Variants in RALGAPA2 observed in about 807,000 individuals in gnomAD.
RALGAPA2 encodes ral GTPase-activating protein subunit alpha-2.
A neutral mutation model predicts 230.4 loss-of-function variants in RALGAPA2; 139 were observed. The ratio of observed to expected loss-of-function variants is 0.60; its 90% CI spans 0.53 to 0.69. The LOEUF (loss-of-function observed/expected upper bound fraction) is 0.69. RALGAPA2 is among the 30% of genes least tolerant of loss of function. The pLI, the probability that RALGAPA2 is intolerant of heterozygous loss-of-function variation, is 0.00. For missense variants in RALGAPA2, 2,163 were observed against 2,276.0 expected (o/e 0.95, Z 1.01); for synonymous variants, 847 against 837.8 (o/e 1.01, Z -0.19).
chr20:20,602,219 A>G (rs2065675959), intron 15 of RALGAPA2, among the ~76,000 whole-genome samples: 1 of 152,226 alleles, frequency 6.6e-6, no homozygotes, highest in South Asian at 2.1e-4. Flanking sequence ...CCAAAAACTC[A>G]GAGATCCTGA....
intron 10 of RALGAPA2, 33 bp downstream of exon 10, chr20:20,629,320 AACACACACAC>A (rs11467035): frequency 0.16 from 179,948 of 1,106,808 alleles, 6,723 homozygotes; most frequent in Admixed American, 0.21. Context: ...AAGAACTTGT[AACACACACAC>A]ACACACACAC....
At chr20:20,612,137 T>C (rs2065994372) in intron 13 of RALGAPA2, among the ~76,000 whole-genome samples, 1 of 152,238 alleles carries the variant, frequency 6.6e-6, no homozygotes, top group Non-Finnish European at 1.5e-5. Flanking sequence ...ACACTGCTAA[T>C]TACAATAATA....
chr20:20,500,898 C>T (rs979399285), intron 35 of RALGAPA2, among the ~76,000 whole-genome samples: 3 of 152,246 alleles, frequency 2.0e-5, no homozygotes, highest in Non-Finnish European at 2.9e-5. Context: ...AACAACACTA[C>T]ATCTCCTTCA....
At chr20:20,543,739 G>A (rs975082195) in intron 24 of RALGAPA2, among the ~76,000 whole-genome samples, 1 of 152,136 alleles carries the variant, frequency 6.6e-6, no homozygotes, top group Non-Finnish European at 1.5e-5. Flanking sequence ...GTGGGGCGGG[G>A]GGAGCGGGGA....
intron 4 of RALGAPA2, among the ~76,000 whole-genome samples, chr20:20,646,155 A>G (rs547233302): frequency 4.6e-5 from 7 of 152,096 alleles, no homozygotes; most frequent in Admixed American, 1.3e-4. Flanking sequence ...CTAGGGCTCA[A>G]GTGATTCTTG....
In RALGAPA2 at chr20:20,605,160, G is replaced by T. The variant is rs1453568492; in HGVS notation, c.2038+15C>A. 6.4e-7 allele frequency: 1 copy of T among 1,571,240 alleles called. No homozygotes were observed. The highest frequency in any genetic ancestry group is 8.7e-7 in the Non-Finnish European group (1 of 1,147,940). On this transcript the variant is annotated intron_variant, in intron 15 of 39. Coordinates refer to ENST00000202677, the MANE Select transcript of RALGAPA2 (RefSeq NM_020343.4). The stretch of plus-strand genomic sequence containing the variant: ...GTCCTAGACATCTGGTGTTAACCTG[G>T]AAGAGTGGAAATACCTTTGCCTCGT...
Position 20,503,510 on chromosome 20 carries a change from A to G in RALGAPA2, c.5053-4T>C, listed in dbSNP as rs1449773595. 1.3e-6 allele frequency: 2 copies of G among 1,544,524 alleles called. No homozygotes were observed. The highest frequency in any genetic ancestry group is 8.7e-7 in the Non-Finnish European group (1 of 1,145,744). On this transcript the variant is annotated splice_polypyrimidine_tract_variant and splice_region_variant and intron_variant, in intron 34 of 39. Coordinates refer to ENST00000202677, the MANE Select transcript of RALGAPA2 (RefSeq NM_020343.4). ...CACAGTGGGTGGAGAGATCCACCTG[A>G]CAAAGGTCACAAAGAAGAAAGAGTG...
At chr20:20,426,942 T>C (rs1377608839) in intron 37 of RALGAPA2, among the ~76,000 whole-genome samples, 4 of 152,242 alleles carry the variant, frequency 2.6e-5, no homozygotes, top group African/African-American at 9.6e-5. Flanking sequence ...ACAACTTCCT[T>C]CTGTGGTTTG....
At chr20:20,422,963 C>T (rs2060308493) in intron 37 of RALGAPA2, among the ~76,000 whole-genome samples, 1 of 152,140 alleles carries the variant, frequency 6.6e-6, no homozygotes, top group Admixed American at 6.6e-5. Flanking sequence ...GCAACACCAG[C>T]CTGTGGCAAC....
chr20:20,699,689 A>G (rs577951990), intron 1 of RALGAPA2, among the ~76,000 whole-genome samples: 2 of 152,354 alleles, frequency 1.3e-5, no homozygotes, highest in Non-Finnish European at 2.9e-5. Context: ...ACAAGCGGCC[A>G]ACAAACATAT....
chr20:20,594,668 C>G (rs2065393424), intron 16 of RALGAPA2, among the ~76,000 whole-genome samples: 1 of 151,926 alleles, frequency 6.6e-6, no homozygotes, highest in Admixed American at 6.6e-5. Context: ...TTTAAAAGCA[C>G]TAACTTTCTC....
intron 37 of RALGAPA2, among the ~76,000 whole-genome samples, chr20:20,469,156 G>A (rs1325289167): frequency 2.6e-5 from 4 of 152,162 alleles, no homozygotes; most frequent in African/African-American, 9.7e-5. Context: ...CAGGGGCACT[G>A]TAAATGTTGA....
chr20:20,681,479 C>T (rs917648022), intron 1 of RALGAPA2, among the ~76,000 whole-genome samples: 1 of 152,162 alleles, frequency 6.6e-6, no homozygotes, highest in Admixed American at 6.5e-5. Flanking sequence ...ACAGTGACAA[C>T]TCCCACTGGG....
intron 1 of RALGAPA2, among the ~76,000 whole-genome samples, chr20:20,694,466 A>G (rs6137104): frequency 0.016 from 2,467 of 152,304 alleles, 93 homozygotes; most frequent in East Asian, 0.14. Context: ...GCTTGTGAGC[A>G]GCCTCCAATA....
intron 4 of RALGAPA2, among the ~76,000 whole-genome samples, chr20:20,644,886 C>A (rs1267612461): frequency 6.6e-6 from 1 of 152,182 alleles, no homozygotes; most frequent in Non-Finnish European, 1.5e-5. Context: ...TACTTCATTA[C>A]ACCTTATGGT....
chr20:20,696,434 C>A (rs1291721727), intron 1 of RALGAPA2, among the ~76,000 whole-genome samples: 1 of 152,048 alleles, frequency 6.6e-6, no homozygotes, highest in Non-Finnish European at 1.5e-5. Context: ...AGTGTAGTCT[C>A]TATGAGGGAA....
rs1401616535 is a variant in RALGAPA2, at chr20:20,607,113, ATTC to A, written c.1801-1704_1801-1702del. Among the ~76,000 whole-genome samples the A allele has an allele frequency of 2.6e-5, 4 of 152,326 alleles. No homozygotes were observed. The East Asian group carries it at 7.7e-4, about 29-fold the overall frequency. On this transcript the variant is annotated intron_variant, in intron 14 of 39. Coordinates refer to ENST00000202677, the MANE Select transcript of RALGAPA2 (RefSeq NM_020343.4). ...AAATAGGCTCCCACTCTTGTCAGGA[ATTC>A]TTCTTTGCGTAGGTGAGTTCACTTC...
intron 33 of RALGAPA2, among the ~76,000 whole-genome samples, chr20:20,507,176 C>T (rs1351593517): frequency 1.3e-5 from 2 of 152,050 alleles, no homozygotes; most frequent in African/African-American, 4.8e-5. Flanking sequence ...TTAGTGTGAA[C>T]ACTTTTATAT....
At chr20:20,544,161 C>T (rs1404433741) in intron 24 of RALGAPA2, among the ~76,000 whole-genome samples, 2 of 151,962 alleles carry the variant, frequency 1.3e-5, no homozygotes, top group African/African-American at 2.4e-5. Context: ...GTGGCTCACA[C>T]CTGTAATCCC....
Sources: gnomAD v4.1 joint callset for allele counts (sites outside exome capture counted in the v4.1 genomes callset) on GRCh38, gnomAD v4.1.1 for gene constraint, MANE v1.5 for transcripts, NCBI Gene and HGNC (gene_info 2026-07-23, HGNC 2026-07-21) for gene names.